USP34: variants seen among roughly 807,000 people sequenced by gnomAD.
USP34 encodes the protein ubiquitin carboxyl-terminal hydrolase 34.
Under a neutral mutation model 460.3 loss-of-function variants are expected in USP34, and 70 were observed. The observed-to-expected ratio is 0.15, with a 90% CI of 0.13 to 0.19. USP34 has a LOEUF of 0.19. Ranked by LOEUF, USP34 falls within the 10% of genes least tolerant of loss-of-function variation. The pLI is 1.00. For missense variants in USP34, 3,985 were observed against 4,236.2 expected (o/e 0.94, Z 1.65); for synonymous variants, 1,647 against 1,405.3 (o/e 1.17, Z -3.85).
chr2:61,422,002 A>G (rs975646140), intron 1 of USP34, among the ~76,000 whole-genome samples: 9 of 152,228 alleles, frequency 5.9e-5, no homozygotes, highest in African/African-American at 1.4e-4. Context: ...TAAGGCCAAA[A>G]TACATGTAAA....
At chr2:61,366,834 G>C (rs1027843166) in intron 10 of USP34, among the ~76,000 whole-genome samples, 3 of 152,152 alleles carry the variant, frequency 2.0e-5, no homozygotes, top group African/African-American at 7.2e-5. Context: ...GATCGCTTGA[G>C]CTCAGGAGTT....
At chr2:61,466,417 C>A (rs913448463) in intron 1 of USP34, among the ~76,000 whole-genome samples, 3 of 151,914 alleles carry the variant, frequency 2.0e-5, no homozygotes, top group Non-Finnish European at 4.4e-5. Flanking sequence ...GGGAAAGAAA[C>A]CCTATCTCAA....
chr2:61,228,149 G>A (rs1687783762), intron 61 of USP34, among the ~76,000 whole-genome samples: 1 of 152,178 alleles, frequency 6.6e-6, no homozygotes, highest in Non-Finnish European at 1.5e-5. Flanking sequence ...GTTAAATGGA[G>A]ATATAAAGGG....
intron 1 of USP34, among the ~76,000 whole-genome samples, chr2:61,449,793 C>T (rs1207073346): frequency 1.3e-5 from 2 of 149,650 alleles, no homozygotes; most frequent in Non-Finnish European, 3.0e-5. Context: ...TATCAGCCGG[C>T]GCGGTGGCTC....
chr2:61,243,287 C>T (rs1204245962), intron 51 of USP34, among the ~76,000 whole-genome samples: 3 of 152,082 alleles, frequency 2.0e-5, no homozygotes, highest in Admixed American at 6.5e-5. Context: ...GCTGGGACTA[C>T]AGGCACCCGC....
At chr2:61,400,882 T>A (rs10200055) in intron 3 of USP34, among the ~76,000 whole-genome samples, 57,195 of 151,866 alleles carry the variant, frequency 0.38, 10,817 homozygotes, top group Admixed American at 0.41. Flanking sequence ...CCAGGTGCGG[T>A]AGCTTACGCC....
chr2:61,295,339 AAAAAAG>A (rs1007252968), intron 30 of USP34, 49 bp from the exon 31 acceptor site: 41 of 1,532,360 alleles, frequency 2.7e-5, no homozygotes, highest in East Asian at 4.6e-5. Flanking sequence ...CAGGGAACAC[AAAAAAG>A]AAAAACTTTA....
chr2:61,245,345 A>G, intron 50 of USP34, 57 bp from the exon 51 acceptor site: 2 of 1,006,986 alleles, frequency 2.0e-6, no homozygotes, highest in South Asian at 4.7e-5. Flanking sequence ...TCTTCATATT[A>G]TGTCTACTAT....
chr2:61,384,497 C>T (rs1693077732), intron 5 of USP34, among the ~76,000 whole-genome samples: 1 of 151,846 alleles, frequency 6.6e-6, no homozygotes, highest in Non-Finnish European at 1.5e-5. Flanking sequence ...TGGCTGAAAC[C>T]CCATCTCTAC....
intron 18 of USP34, among the ~76,000 whole-genome samples, chr2:61,338,581 A>G (rs1293440079): frequency 6.6e-6 from 1 of 152,234 alleles, no homozygotes; most frequent in Non-Finnish European, 1.5e-5. Context: ...AAAACAATAT[A>G]TTAATAACTG....
chr2:61,390,204 TAATAA>T (rs1259214967), intron 5 of USP34, among the ~76,000 whole-genome samples: 1 of 152,238 alleles, frequency 6.6e-6, no homozygotes. Flanking sequence ...TTCTACTCCA[TAATAA>T]AATAAACCCC....
intron 41 of USP34, chr2:61,277,555 T>G (rs1327278493): frequency 6.6e-6 from 1 of 152,392 alleles, no homozygotes; most frequent in Non-Finnish European, 1.5e-5. Flanking sequence ...CCTTTCTATA[T>G]TCAGTCAGTC....
At chr2:61,358,852 G>A (rs1692186641) in intron 10 of USP34, among the ~76,000 whole-genome samples, 1 of 152,056 alleles carries the variant, frequency 6.6e-6, no homozygotes, top group Non-Finnish European at 1.5e-5. Flanking sequence ...AATTAAGAAA[G>A]TAACACAATT....
At position 61,470,913 on chromosome 2, in the gene USP34, G is replaced by C. The variant is rs1695941504; in HGVS notation, c.-221C>G. ...GGGGAGAGGAGGGGAGCGAGGGGAG[G>C]TGCGCAGGCCGGAGGGGCGCCGAGG... On this transcript the variant is annotated 5_prime_UTR_variant, in exon 1 of 80. Coordinates refer to ENST00000398571, the MANE Select transcript of USP34 (RefSeq NM_014709.4). 1.2e-5 allele frequency: 2 copies of C among 167,248 alleles called. No individual in the cohort carries two copies. Among genetic ancestry groups the C allele is most frequent in the South Asian group, 2.0e-4 (2 of 10,196 alleles). The allele number at this position is 167,248 out of a possible 1,614,324, so 10.4% of individuals were successfully genotyped here. A position where few individuals can be genotyped will look rare whatever the true frequency, so the allele number is the denominator to read the frequency against.
intron 10 of USP34, among the ~76,000 whole-genome samples, chr2:61,366,961 A>G (rs1276881923): frequency 6.6e-6 from 1 of 152,138 alleles, no homozygotes; most frequent in Non-Finnish European, 1.5e-5. Context: ...AGGTGGGACA[A>G]TAACTTGAGC....
chr2:61,348,689 A>T (rs952745807), intron 14 of USP34, 67 bp downstream of exon 14: 4 of 1,546,824 alleles, frequency 2.6e-6, no homozygotes, highest in Non-Finnish European at 3.5e-6. Context: ...ATATATACCC[A>T]ATTCAAATGA....
At chr2:61,216,871 T>C (rs1167378416) in intron 67 of USP34, among the ~76,000 whole-genome samples, 2 of 151,572 alleles carry the variant, frequency 1.3e-5, no homozygotes, top group Non-Finnish European at 2.9e-5. Flanking sequence ...TGAGCTGAGA[T>C]TGCAGCACTA....
chr2:61,332,683 C>T (rs562593772), intron 19 of USP34, among the ~76,000 whole-genome samples: 8 of 152,132 alleles, frequency 5.3e-5, no homozygotes, highest in Non-Finnish European at 1.0e-4. Flanking sequence ...AAATGGCTCA[C>T]ACTATTCTTG....
At chr2:61,281,520 G>C (rs1689535142) in intron 37 of USP34, among the ~76,000 whole-genome samples, 1 of 152,188 alleles carries the variant, frequency 6.6e-6, no homozygotes, top group East Asian at 1.9e-4. Context: ...ACAGGCACAA[G>C]AATTGCTTGA....
Sources: allele counts gnomAD v4.1 joint callset (sites outside exome capture counted in the v4.1 genomes callset), GRCh38; gene constraint gnomAD v4.1.1; transcripts MANE v1.5; gene names NCBI Gene and HGNC (gene_info 2026-07-23, HGNC 2026-07-21).